The following FAN1 variants were observed in gnomAD, a reference collection of about 807,000 sequenced individuals.
FAN1 encodes the protein fanconi-associated nuclease 1.
A neutral mutation model predicts 104.9 loss-of-function variants in FAN1; 91 were observed. The observed-to-expected ratio is 0.87, with a 90% CI of 0.73 to 1.03. FAN1 has a LOEUF of 1.03. Among genes scored for constraint, FAN1 ranks in the 50% least tolerant of loss-of-function variants. FAN1 has a pLI of 0.00. For missense variants in FAN1, 1,263 were observed against 1,239.9 expected, an observed-to-expected ratio of 1.02 and a Z score of -0.28; for synonymous variants, 478 against 457.6, an observed-to-expected ratio of 1.04 and a Z score of -0.57.
intron 14 of FAN1, chr15:30,939,947 CTCCTG>C (rs2062982556): frequency 1.0e-5 from 10 of 984,578 alleles, no homozygotes; most frequent in Non-Finnish European, 1.2e-5. Flanking sequence ...TTTTTAAGAA[CTCCTG>C]TCCTGTTATA....
chr15:30,928,078 A>G, intron 10 of FAN1: 1 of 1,001,362 alleles, frequency 1.0e-6, no homozygotes, highest in African/African-American at 1.7e-5. Flanking sequence ...TGAGGCCAAG[A>G]ACGGAGGTGG....
At chr15:30,908,567 C>T (rs895974561) in intron 3 of FAN1, among the ~76,000 whole-genome samples, 14 of 152,234 alleles carry the variant, frequency 9.2e-5, no homozygotes, top group African/African-American at 2.9e-4. Context: ...ACATCCCGGC[C>T]GGGCACGGTG....
intron 5 of FAN1, among the ~76,000 whole-genome samples, chr15:30,916,647 T>C (rs2062204394): frequency 6.6e-6 from 1 of 152,264 alleles, no homozygotes; most frequent in African/African-American, 2.4e-5. Flanking sequence ...CCTTGTTGTC[T>C]ACCTCTGTAC....
intron 10 of FAN1, 74 bp from the exon 11 acceptor site, chr15:30,928,476 GTGT>G (rs1312959722): frequency 1.3e-6 from 2 of 1,574,858 alleles, no homozygotes; most frequent in Non-Finnish European, 1.7e-6. Context: ...GGTTATGGTG[GTGT>G]TTTGGAAGAA....
rs2062446814 is a variant in FAN1, at chr15:30,925,807, CTGTGCCCACAGCGTGGGA to C, written c.2362_2379del (p.Pro788_Cys793del). 1.9e-6 allele frequency: 3 copies of C among 1,614,054 alleles called. No homozygotes were observed. Among genetic ancestry groups the C allele is most frequent in the Non-Finnish European group, 2.5e-6 (3 of 1,180,048 alleles). ...GTTTCAGGTGACCATCACAGGCAGG[CTGTGCCCACAGCGTGGGA>C]TGTGCAAGTCTGTGTTTGTGATGGA... is the stretch of plus-strand genomic sequence containing the variant. On this transcript the variant is annotated inframe_deletion, in exon 10 of 15. Transcript: ENST00000362065.
At position 30,925,843 on chromosome 15, in the gene FAN1, G is replaced by A; in HGVS notation, c.2392G>A (p.Val798Met). 18 of 1,614,256 alleles carry A rather than the reference G, an allele frequency of 1.1e-5. No homozygotes were observed. The highest frequency in any genetic ancestry group is 1.5e-5 in the Non-Finnish European group (18 of 1,180,058). ...PQRGMCKSVF[V>M]MEAGEAADPT... Reference sequence around the variant, plus strand: ...GCGTGGGATGTGCAAGTCTGTGTTTGTGATGGAGGCCGGGGAGGCCGCTGA... The same window carrying A: ...GCGTGGGATGTGCAAGTCTGTGTTTATGATGGAGGCCGGGGAGGCCGCTGA... Residue 798 changes from valine to methionine, a missense_variant, in exon 10 of 15, where the codon GTG becomes ATG. Around this residue, in one of 2 missense-constraint regions of FAN1, gnomAD observed 581 missense variants for 668.8 expected, o/e 0.87. Coordinates refer to ENST00000362065, the MANE Select transcript of FAN1 (RefSeq NM_014967.5).
Position 30,942,133 on chromosome 15 carries a change from C to A in FAN1, c.*571C>A. The A allele has an allele frequency of 6.6e-7, 1 of 1,522,412 alleles. No homozygotes were observed. 94.3% of individuals were successfully genotyped at this position (1,522,412 alleles called of 1,614,324 possible). A position where few individuals can be genotyped will look rare whatever the true frequency, so the allele number is the denominator to read the frequency against. Reference sequence around the variant, plus strand: ...CCCTTTTTAGAAAGATTGAAGGATGCAATGGCAAATATAAACTCAATACTA... The same window carrying A: ...CCCTTTTTAGAAAGATTGAAGGATGAAATGGCAAATATAAACTCAATACTA... On this transcript the variant is annotated 3_prime_UTR_variant, in exon 15 of 15. Transcript: ENST00000362065.
chr15:30,928,506 T>TTTTGTGTGTGTGTGTG, intron 10 of FAN1, 47 bp from the exon 11 acceptor site: 1 of 1,483,544 alleles, frequency 6.7e-7, no homozygotes, highest in Middle Eastern at 1.9e-4. Context: ...AAAACAGATT[T>TTTTGTGTGTGTGTGTG]TGTGTGTGTG....
In FAN1 at chr15:30,905,392, G is replaced by A. The variant is rs1458803328; in HGVS notation, c.729G>A (p.Lys243=). 1 of 1,614,116 alleles carries A rather than the reference G, an allele frequency of 6.2e-7. No homozygotes were observed. The highest frequency in any genetic ancestry group is 1.7e-5 in the Admixed American group (1 of 60,022). The change falls in exon 2 of 15, where the codon AAG becomes AAA. Residue 243 remains lysine, a synonymous_variant. Coordinates refer to ENST00000362065, the MANE Select transcript of FAN1 (RefSeq NM_014967.5). ...GSKIMEAESQ[K]ATRECEKSAL... ...AAATAATGGAAGCCGAAAGCCAAAA[G>A]GCTACCCGGGAATGTGAGAAATCAG... is the stretch of plus-strand genomic sequence containing the variant.
chr15:30,929,588 A>G (rs1163782744), intron 12 of FAN1, among the ~76,000 whole-genome samples, 191 bp downstream of exon 12: 13 of 131,714 alleles, frequency 9.9e-5, no homozygotes, highest in African/African-American at 3.8e-4. Flanking sequence ...ATTATATTAT[A>G]TATTATATAT....
chr15:30,910,713 A>G lies in FAN1; in HGVS notation c.1475A>G (p.Gln492Arg), dbSNP rs1243290206. Residue 492 changes from glutamine to arginine, a missense_variant, in exon 4 of 15, where the codon CAG (glutamine) becomes CGG (arginine). Physicochemically the swap from Gln to Arg is conservative, Grantham distance 43. Around this residue, in one of 2 missense-constraint regions of FAN1, gnomAD observed 581 missense variants for 668.8 expected, o/e 0.87. Transcript: ENST00000362065. ...TTCCACTTGGTGAATCCCAATGGAC[A>G]GAAACAGCAGCTGGTGGACGCCTTT... Reference protein sequence around the residue: ...KTFHLVNPNGQKQQLVDAFLK... With the variant: ...KTFHLVNPNGRKQQLVDAFLK... 6.2e-7 allele frequency: 1 copy of G among 1,614,028 alleles called. No homozygotes were observed. The highest frequency in any genetic ancestry group is 1.3e-5 in the African/African-American group (1 of 74,928).
At chr15:30,926,153 T>C (rs771652611) in intron 10 of FAN1, among the ~76,000 whole-genome samples, 11 of 152,218 alleles carry the variant, frequency 7.2e-5, no homozygotes, top group Non-Finnish European at 1.5e-4. Context: ...TCTGATCTTT[T>C]TTCTTTTATA....
chr15:30,940,313 G>GTGTC, intron 14 of FAN1: 1 of 985,378 alleles, frequency 1.0e-6, no homozygotes, highest in Non-Finnish European at 1.2e-6. Context: ...GCAAACAACT[G>GTGTC]TGTCTGCTCA....
chr15:30,941,540 G>T (rs1434027843), intron 14 of FAN1, 26 bp from the exon 15 acceptor site: 1 of 1,608,740 alleles, frequency 6.2e-7, no homozygotes, highest in Non-Finnish European at 8.5e-7. Context: ...GCTTAATGGT[G>T]TTCCTAAAAT....
chr15:30,912,069 A>G (rs2062112050), intron 4 of FAN1, among the ~76,000 whole-genome samples: 1 of 152,170 alleles, frequency 6.6e-6, no homozygotes, highest in South Asian at 2.1e-4. Context: ...CTCAAAAAAA[A>G]AAAAAAAAAT....
At chr15:30,929,567 TTATTA>T (rs1006538031) in intron 12 of FAN1, among the ~76,000 whole-genome samples, 170 bp downstream of exon 12, 4 of 125,490 alleles carry the variant, frequency 3.2e-5, no homozygotes, top group Non-Finnish European at 6.8e-5. Flanking sequence ...TATTATATCT[TTATTA>T]TATTTATTAT....
rs778237679 is a variant in FAN1 at position 30,930,686 on chromosome 15, A to T, written c.2916+15A>T. On this transcript the variant is annotated intron_variant, in intron 13 of 14. Coordinates refer to ENST00000362065, the MANE Select transcript of FAN1 (RefSeq NM_014967.5). ...GTCACTTTAAGGTCAGTTGAGGCAG[A>T]ATGGAAAGTCCTGTTGGTAACCTTA... is the stretch of plus-strand genomic sequence containing the variant. 1.2e-6 allele frequency: 2 copies of T among 1,612,322 alleles called. No individual in the cohort carries two copies. Among genetic ancestry groups the T allele is most frequent in the South Asian group, 2.2e-5 (2 of 90,664 alleles).
At chr15:30,908,330 G>C in intron 3 of FAN1, 72 bp downstream of exon 3, 1 of 1,313,252 alleles carries the variant, frequency 7.6e-7, no homozygotes, top group Non-Finnish European at 1.0e-6. Flanking sequence ...AATGATGGCA[G>C]TATTATTATG....
Position 30,941,999 on chromosome 15 carries a change from A to G in FAN1, c.*437A>G. The G allele has an allele frequency of 2.5e-6, 4 of 1,614,030 alleles. No homozygotes were observed. The highest frequency in any genetic ancestry group is 2.5e-6 in the Non-Finnish European group (3 of 1,179,896). On this transcript the variant is annotated 3_prime_UTR_variant, in exon 15 of 15. Coordinates refer to ENST00000362065, the MANE Select transcript of FAN1 (RefSeq NM_014967.5). ...TAATATCAATGAATTTCTCCTTGGAAGTAATTCTTGGTCACTGATGATTCC... is the reference window on the plus strand; with the variant it reads ...TAATATCAATGAATTTCTCCTTGGAGGTAATTCTTGGTCACTGATGATTCC...
Sources: gnomAD v4.1 joint callset for allele counts (sites outside exome capture counted in the v4.1 genomes callset) on GRCh38, gnomAD v4.1.1 for gene constraint, gnomAD v4.1.1 regional missense constraint, MANE v1.5 for transcripts, NCBI Gene and HGNC (gene_info 2026-07-23, HGNC 2026-07-21) for gene names.